L3MBTL4: variants seen among roughly 807,000 people sequenced by gnomAD.
L3MBTL4 encodes lethal(3)malignant brain tumor-like protein 4.
L3MBTL4 carries 70 observed loss-of-function variants against 84.5 expected under a neutral mutation model. The ratio of observed to expected loss-of-function variants is 0.83; its 90% CI spans 0.68 to 1.01. L3MBTL4 has a LOEUF of 1.01. L3MBTL4 is among the 50% of genes least tolerant of loss of function. L3MBTL4 has a pLI of 0.00. For synonymous variants in L3MBTL4, 274 were observed against 259.8 expected (o/e 1.05, Z -0.52); for missense variants, 715 against 754.8 (o/e 0.95, Z 0.62).
chr18:6,207,611 T>C (rs574628962), intron 12 of L3MBTL4, among the ~76,000 whole-genome samples: 2 of 152,272 alleles, frequency 1.3e-5, no homozygotes, highest in South Asian at 2.1e-4. Flanking sequence ...CACTAATTTA[T>C]AGTTTTACCT....
At chr18:6,383,198 C>T (rs1599855684) in intron 1 of L3MBTL4, among the ~76,000 whole-genome samples, 1 of 152,126 alleles carries the variant, frequency 6.6e-6, no homozygotes, top group East Asian at 1.9e-4. Flanking sequence ...CCTCAGACTG[C>T]TGTGCTGACG....
intron 16 of L3MBTL4, among the ~76,000 whole-genome samples, chr18:5,979,328 T>C (rs1403252916): frequency 6.6e-6 from 1 of 152,090 alleles, no homozygotes; most frequent in Non-Finnish European, 1.5e-5. Context: ...CCCAGGCTCA[T>C]GTGGACACAC....
chr18:6,381,308 A>G (rs1268777435), intron 1 of L3MBTL4, among the ~76,000 whole-genome samples: 1 of 152,154 alleles, frequency 6.6e-6, no homozygotes, highest in African/African-American at 2.4e-5. Flanking sequence ...GTGTCTTTTA[A>G]TTGGGGCATT....
chr18:6,333,659 G>A (rs921462877), intron 1 of L3MBTL4, among the ~76,000 whole-genome samples: 3 of 151,788 alleles, frequency 2.0e-5, no homozygotes, highest in African/African-American at 4.8e-5. Flanking sequence ...AGATGTACAC[G>A]TATGTGTTTA....
intron 16 of L3MBTL4, chr18:6,017,716 T>G (rs2055061478): frequency 6.6e-6 from 1 of 152,234 alleles, no homozygotes; most frequent in South Asian, 2.1e-4. Flanking sequence ...TTTTAAACTT[T>G]TCATTTAGCC....
intron 16 of L3MBTL4, among the ~76,000 whole-genome samples, chr18:6,039,886 T>C (rs1344070411): frequency 6.6e-6 from 1 of 152,194 alleles, no homozygotes. Context: ...AATTAGACGA[T>C]GAAACAAAAC....
chr18:6,186,427 C>T (rs2044766966), intron 12 of L3MBTL4, among the ~76,000 whole-genome samples: 1 of 152,086 alleles, frequency 6.6e-6, no homozygotes, highest in African/African-American at 2.4e-5. Flanking sequence ...GCCATGGAGA[C>T]TTGATCTTAC....
At chr18:6,169,019 A>G (rs181928575) in intron 13 of L3MBTL4, among the ~76,000 whole-genome samples, 7,920 of 152,142 alleles carry the variant, frequency 0.052, 689 homozygotes, top group African/African-American at 0.18. Context: ...GTGGGCAAAG[A>G]ATATGAACAG....
rs1023433091 is a variant in L3MBTL4, at chr18:6,268,693, T to A, written c.128-4655A>T. On this transcript the variant is annotated intron_variant, in intron 4 of 18. Transcript: ENST00000317931. ...ATTTCTTCTCACTATATTCATTGGC[T>A]ATAGCAAAATGTTCCAATTATTAAC... is the stretch of plus-strand genomic sequence containing the variant. Among the ~76,000 whole-genome samples, 19 of 152,244 alleles carry A rather than the reference T, an allele frequency of 1.2e-4. 1 individual carries two copies. Among genetic ancestry groups the A allele is most frequent in the Non-Finnish European group, 7.3e-5 (5 of 68,034 alleles).
intron 1 of L3MBTL4, among the ~76,000 whole-genome samples, chr18:6,332,265 T>C (rs2052076442): frequency 6.6e-6 from 1 of 152,234 alleles, no homozygotes; most frequent in Admixed American, 6.5e-5. Context: ...ACTGAAGTTT[T>C]AACTATCCTC....
intron 1 of L3MBTL4, among the ~76,000 whole-genome samples, chr18:6,333,454 A>T (rs1236427984): frequency 2.0e-5 from 3 of 152,068 alleles, no homozygotes; most frequent in Non-Finnish European, 2.9e-5. Context: ...ACATGCCTGT[A>T]GTCCCAGCTA....
intron 4 of L3MBTL4, among the ~76,000 whole-genome samples, chr18:6,293,225 G>A (rs1250524628): frequency 6.6e-6 from 1 of 152,130 alleles, no homozygotes; most frequent in African/African-American, 2.4e-5. Flanking sequence ...GGGCCTGGGA[G>A]CAATGACATC....
intron 16 of L3MBTL4, among the ~76,000 whole-genome samples, chr18:5,978,483 T>C (rs1480873341): frequency 3.3e-5 from 5 of 152,224 alleles, no homozygotes; most frequent in African/African-American, 1.2e-4. Context: ...AGACCTTTAC[T>C]GGCAGAGGAG....
intron 1 of L3MBTL4, among the ~76,000 whole-genome samples, chr18:6,391,291 T>C (rs2055040306): frequency 6.6e-6 from 1 of 152,120 alleles, no homozygotes; most frequent in Non-Finnish European, 1.5e-5. Context: ...GCATCCTTTA[T>C]GATAAAAACC....
At chr18:5,965,854 T>C (rs1848482914) in intron 17 of L3MBTL4, among the ~76,000 whole-genome samples, 1 of 152,170 alleles carries the variant, frequency 6.6e-6, no homozygotes, top group African/African-American at 2.4e-5. Flanking sequence ...TAGGGAATAA[T>C]GAAAATGGTT....
intron 16 of L3MBTL4, among the ~76,000 whole-genome samples, chr18:6,077,278 CCT>C (rs1338037836): frequency 3.9e-5 from 6 of 152,096 alleles, no homozygotes; most frequent in Admixed American, 6.5e-5. Context: ...TCAACTTGCC[CCT>C]GTTATGCACA....
Position 6,414,856 on chromosome 18 carries a change from G to C in L3MBTL4, c.-146C>G, listed in dbSNP as rs1043568908. On this transcript the variant is annotated 5_prime_UTR_variant, in exon 1 of 19. Transcript: ENST00000317931. The surrounding 1 kb of genome is among the most constrained non-coding windows in gnomAD (Gnocchi z 5.4). Reference sequence around the variant, plus strand: ...CGACCGAGCTACAGGCGGGGGGCGAGTCGGAGCGCGAGGTTCCGCCAGCCC... The same window carrying C: ...CGACCGAGCTACAGGCGGGGGGCGACTCGGAGCGCGAGGTTCCGCCAGCCC... 7.3e-5 allele frequency: 11 copies of C among 150,364 alleles called. No homozygotes were observed. Among genetic ancestry groups the C allele is most frequent in the African/African-American group, 2.7e-4 (11 of 41,214 alleles). 9.3% of individuals were successfully genotyped at this position (150,364 alleles called of 1,614,324 possible).
chr18:6,006,438 T>C (rs1822699360), intron 16 of L3MBTL4, among the ~76,000 whole-genome samples: 1 of 152,122 alleles, frequency 6.6e-6, no homozygotes, highest in African/African-American at 2.4e-5. Context: ...AGAAATTTAA[T>C]AGTATAAAGA....
intron 4 of L3MBTL4, among the ~76,000 whole-genome samples, chr18:6,269,236 C>T (rs1025904331): frequency 6.6e-5 from 10 of 152,002 alleles, no homozygotes; most frequent in African/African-American, 1.7e-4. Context: ...CTGAGGCGGG[C>T]GGATCACGAG....
Sources: gnomAD v4.1 joint callset for allele counts (sites outside exome capture counted in the v4.1 genomes callset) on GRCh38, gnomAD v4.1.1 for gene constraint, Gnocchi (gnomAD v3.1) non-coding constraint, MANE v1.5 for transcripts, NCBI Gene and HGNC (gene_info 2026-07-23, HGNC 2026-07-21) for gene names.